Variants in GULP1 observed in about 807,000 individuals in gnomAD.
The protein encoded by GULP1 is PTB domain-containing engulfment adapter protein 1.
In GULP1, 19 loss-of-function variants were observed where a neutral mutation model predicts 40.9. The observed-to-expected ratio is 0.46, with a 90% confidence interval of 0.32 to 0.68. The LOEUF is 0.68. GULP1 is among the 30% of genes least tolerant of loss of function. The pLI is 0.03. For missense variants in GULP1, 312 were observed against 362.2 expected (o/e 0.86, Z 1.12); for synonymous variants, 119 against 117.6 (o/e 1.01, Z -0.08).
chr2:188,532,147 C>T (rs1343957220), intron 6 of GULP1, among the ~76,000 whole-genome samples: 2 of 152,024 alleles, frequency 1.3e-5, no homozygotes, highest in South Asian at 2.1e-4. Context: ...TTATTTGAAA[C>T]GACCTATGGT....
At chr2:188,453,692 C>G (rs2059021021) in intron 2 of GULP1, among the ~76,000 whole-genome samples, 1 of 152,164 alleles carries the variant, frequency 6.6e-6, no homozygotes, top group Middle Eastern at 3.2e-3. Context: ...ATCTTTTTCT[C>G]TGCATAACTT....
At position 188,594,350 on chromosome 2, in the gene GULP1, T is replaced by C; in HGVS notation, c.*339T>C. On this transcript the variant is annotated 3_prime_UTR_variant, in exon 12 of 12. Coordinates refer to ENST00000409830, the MANE Select transcript of GULP1 (RefSeq NM_016315.4). ...TTGTATTCATTTTCCAGATGGCTAG[T>C]TTATTAATGATTTCCCAAAAGCCAT... 6.0e-6 allele frequency: 1 copy of C among 167,276 alleles called. No individual in the cohort carries two copies. Among genetic ancestry groups the C allele is most frequent in the Non-Finnish European group, 1.3e-5 (1 of 77,768 alleles). The allele number at this position is 167,276 out of a possible 1,614,324, so 10.4% of individuals were successfully genotyped here. A position where few individuals can be genotyped will look rare whatever the true frequency, so the allele number is the denominator to read the frequency against.
chr2:188,420,149 G>A (rs1295420896), intron 2 of GULP1, among the ~76,000 whole-genome samples: 1 of 151,906 alleles, frequency 6.6e-6, no homozygotes, highest in Non-Finnish European at 1.5e-5. Context: ...TGTTTTTTCT[G>A]GATTGTTTTG....
rs554642371 is a variant in GULP1 at position 188,372,682 on chromosome 2, T to C, written c.-171-11081T>C. On this transcript the variant is annotated intron_variant, in intron 1 of 11. Transcript: ENST00000409830. ...CCATGTGACATATCTAATTGTTAAA[T>C]GAAATTAGACTGGACCTTTTTATGT... 9.9e-5 allele frequency among the ~76,000 whole-genome samples: 15 copies of C among 152,182 alleles called. No individual in the cohort carries two copies. The South Asian group carries it at 2.7e-3, about 27-fold the overall frequency.
At chr2:188,466,251 A>G (rs1448873712) in intron 2 of GULP1, among the ~76,000 whole-genome samples, 1 of 151,326 alleles carries the variant, frequency 6.6e-6, no homozygotes, top group Non-Finnish European at 1.5e-5. Flanking sequence ...AGAAGGGCAC[A>G]CTTTGTGGTT....
Position 188,593,937 on chromosome 2 carries a change from C to T in GULP1, c.844-3C>T, listed in dbSNP as rs1704086192. 7.8e-6 allele frequency: 12 copies of T among 1,529,862 alleles called. No individual in the cohort carries two copies. The highest frequency in any genetic ancestry group is 1.4e-5 in the African/African-American group (1 of 73,304). 94.8% of individuals were successfully genotyped at this position (1,529,862 alleles called of 1,614,324 possible). A position where few individuals can be genotyped will look rare whatever the true frequency, so the allele number is the denominator to read the frequency against. On this transcript the variant is annotated splice_region_variant and splice_polypyrimidine_tract_variant and intron_variant, in intron 11 of 11. Transcript: ENST00000409830. Reference sequence around the variant, plus strand: ...ATATTAATTATTTTATTCTGTTTTACAGGAGGGGTTCAAAATGGGACTAAC... The same window carrying T: ...ATATTAATTATTTTATTCTGTTTTATAGGAGGGGTTCAAAATGGGACTAAC...
At chr2:188,411,036 G>A (rs1006540342) in intron 2 of GULP1, among the ~76,000 whole-genome samples, 6 of 152,082 alleles carry the variant, frequency 3.9e-5, no homozygotes, top group African/African-American at 1.4e-4. Flanking sequence ...TTGGGAGGTC[G>A]GCAATGTCAA....
intron 1 of GULP1, among the ~76,000 whole-genome samples, chr2:188,343,969 C>T (rs991145461): frequency 2.6e-5 from 4 of 151,978 alleles, no homozygotes; most frequent in Admixed American, 6.6e-5. Flanking sequence ...GCCACCATGC[C>T]GGCTAATTTC....
At chr2:188,585,390 C>T (rs1380616152) in intron 10 of GULP1, among the ~76,000 whole-genome samples, 2 of 152,196 alleles carry the variant, frequency 1.3e-5, no homozygotes, top group South Asian at 2.1e-4. Flanking sequence ...GGGGCTTTAA[C>T]CCTACATTTC....
At chr2:188,541,836 G>A (rs1485414827) in intron 7 of GULP1, 6 of 162,066 alleles carry the variant, frequency 3.7e-5, no homozygotes, top group Admixed American at 2.5e-4. Context: ...TAGGCCAGGC[G>A]CGGTGGCTCA....
intron 4 of GULP1, among the ~76,000 whole-genome samples, chr2:188,501,394 A>G (rs987889885): frequency 1.3e-5 from 2 of 151,938 alleles, no homozygotes; most frequent in Non-Finnish European, 2.9e-5. Context: ...CCTTCCCATC[A>G]CGTGGAACTG....
intron 4 of GULP1, among the ~76,000 whole-genome samples, chr2:188,521,305 G>T (rs560098286): frequency 6.6e-6 from 1 of 152,246 alleles, no homozygotes; most frequent in South Asian, 2.1e-4. Context: ...TTCCAAGGTA[G>T]AGATTTTATT....
chr2:188,456,555 TAGA>T (rs2059283824), intron 2 of GULP1, among the ~76,000 whole-genome samples: 2 of 152,160 alleles, frequency 1.3e-5, no homozygotes, highest in African/African-American at 4.8e-5. Flanking sequence ...CCTAGATTTT[TAGA>T]AGATGTATAG....
rs762339044 is a variant in GULP1 at position 188,594,073 on chromosome 2, T to G, written c.*62T>G. The G allele has an allele frequency of 9.2e-6, 8 of 865,660 alleles. No homozygotes were observed. Among genetic ancestry groups the G allele is most frequent in the African/African-American group, 3.3e-5 (2 of 60,082 alleles). The allele number at this position is 865,660 out of a possible 1,614,324, so 53.6% of individuals were successfully genotyped here. On this transcript the variant is annotated 3_prime_UTR_variant, in exon 12 of 12. Transcript: ENST00000409830. ...GTTTGTATACACATGTCATTTATTA[T>G]TATTACTTTAAGATAGGTATTATTC... is the stretch of plus-strand genomic sequence containing the variant.
chr2:188,582,543 A>T (rs1299450677), intron 9 of GULP1: 1 of 471,414 alleles, frequency 2.1e-6, no homozygotes, highest in African/African-American at 2.0e-5. Context: ...CCAGTCAGTG[A>T]GAGCAGCATC....
At chr2:188,492,638 A>G (rs2153101579) in intron 4 of GULP1, among the ~76,000 whole-genome samples, 1 of 150,394 alleles carries the variant, frequency 6.6e-6, no homozygotes, top group Non-Finnish European at 1.5e-5. Context: ...ATTCATAGGA[A>G]GAATTAACTT....
At chr2:188,435,397 C>G (rs2057311420) in intron 2 of GULP1, among the ~76,000 whole-genome samples, 1 of 151,998 alleles carries the variant, frequency 6.6e-6, no homozygotes, top group Non-Finnish European at 1.5e-5. Flanking sequence ...CCTTTATTTT[C>G]TCCAACACTG....
At chr2:188,351,035 A>G (rs1207417802) in intron 1 of GULP1, among the ~76,000 whole-genome samples, 1 of 152,150 alleles carries the variant, frequency 6.6e-6, no homozygotes, top group Non-Finnish European at 1.5e-5. Context: ...TTTCAGACCA[A>G]TGTAAGTATT....
Position 188,513,928 on chromosome 2 carries a change from G to A in GULP1, c.91-8828G>A, listed in dbSNP as rs529821753. On this transcript the variant is annotated intron_variant, in intron 4 of 11. Transcript: ENST00000409830. Reference sequence around the variant, plus strand: ...CAGACAGGGCTACTGTCTGTGTGGGGTTTTCAGGTTCTCCCCATATCTGCG... The same window carrying A: ...CAGACAGGGCTACTGTCTGTGTGGGATTTTCAGGTTCTCCCCATATCTGCG... Among the ~76,000 whole-genome samples the A allele has an allele frequency of 2.1e-4, 32 of 152,146 alleles. No homozygotes were observed. In the South Asian group the frequency reaches 6.4e-3, roughly 31 times the overall value.
Sources: allele counts gnomAD v4.1 joint callset (sites outside exome capture counted in the v4.1 genomes callset), GRCh38; gene constraint gnomAD v4.1.1; transcripts MANE v1.5; gene names NCBI Gene and HGNC (gene_info 2026-07-23, HGNC 2026-07-21).